Variants in RBFOX1 observed in about 807,000 individuals in gnomAD.
RBFOX1 encodes the protein RNA binding fox-1 homolog 1, also known as RNA binding protein fox-1 homolog 1.
RBFOX1 carries 8 observed loss-of-function variants against 57.7 expected under a neutral mutation model. The observed-to-expected ratio is 0.14, with a 90% CI of 0.08 to 0.25. The LOEUF (loss-of-function observed/expected upper bound fraction) is 0.25. Among genes scored for constraint, RBFOX1 ranks in the 10% least tolerant of loss-of-function variants. The pLI, the probability that RBFOX1 is intolerant of heterozygous loss-of-function variation, is 1.00. For synonymous variants in RBFOX1, 326 were observed against 222.4 expected, an observed-to-expected ratio of 1.47 and a Z score of -4.15; for missense variants, 611 against 548.5, an observed-to-expected ratio of 1.11 and a Z score of -1.14.
intron 12 of RBFOX1, among the ~76,000 whole-genome samples, chr16:7,662,826 C>CTT (rs1382221405): frequency 1.3e-5 from 2 of 152,244 alleles, no homozygotes; most frequent in Non-Finnish European, 2.9e-5. Context: ...GAGGTAGGCA[C>CTT]TTACCTATTT....
chr16:7,048,883 C>G (rs1598058710), intron 3 of RBFOX1, among the ~76,000 whole-genome samples: 1 of 152,110 alleles, frequency 6.6e-6, no homozygotes, highest in Non-Finnish European at 1.5e-5. Context: ...AATAAGCAAT[C>G]AATCTTGTTG....
intron 4 of RBFOX1, among the ~76,000 whole-genome samples, chr16:7,062,529 G>C (rs2054696343): frequency 2.0e-5 from 3 of 152,022 alleles, no homozygotes; most frequent in Non-Finnish European, 4.4e-5. Flanking sequence ...GCCTATGGTA[G>C]CTAGTACTTT....
At chr16:5,777,148 A>G (rs1054187840) in intron 3 of RBFOX1, among the ~76,000 whole-genome samples, 4 of 152,150 alleles carry the variant, frequency 2.6e-5, no homozygotes, top group Admixed American at 6.5e-5. Flanking sequence ...TGGAGGTCAC[A>G]AGTCCCAAAA....
chr16:7,145,994 C>T (rs1483963870), intron 4 of RBFOX1, among the ~76,000 whole-genome samples: 3 of 152,178 alleles, frequency 2.0e-5, no homozygotes. Context: ...CCATCTGTGT[C>T]CACAGTTTGA....
At chr16:7,322,861 C>G (rs1326728880) in intron 4 of RBFOX1, among the ~76,000 whole-genome samples, 1 of 152,132 alleles carries the variant, frequency 6.6e-6, no homozygotes, top group Non-Finnish European at 1.5e-5. Context: ...GTTTTCTCCT[C>G]CAGTGGTTAT....
At chr16:6,888,076 G>C (rs575754407) in intron 3 of RBFOX1, among the ~76,000 whole-genome samples, 2 of 152,084 alleles carry the variant, frequency 1.3e-5, no homozygotes, top group Non-Finnish European at 2.9e-5. Context: ...CAGGTAATTA[G>C]TGTAAAATTT....
At chr16:5,412,147 G>A (rs551698426) in intron 1 of RBFOX1, among the ~76,000 whole-genome samples, 6 of 151,766 alleles carry the variant, frequency 4.0e-5, no homozygotes, top group East Asian at 1.9e-4. Context: ...GAGGTCAAAC[G>A]CCCAGGTTCT....
At chr16:5,570,910 G>A (rs1330265072) in intron 2 of RBFOX1, among the ~76,000 whole-genome samples, 1 of 151,720 alleles carries the variant, frequency 6.6e-6, no homozygotes, top group Non-Finnish European at 1.5e-5. Flanking sequence ...AGAGAAATAA[G>A]ACAGTGAGTA....
At chr16:7,583,702 G>A (rs1052411727) in intron 6 of RBFOX1, among the ~76,000 whole-genome samples, 1 of 152,088 alleles carries the variant, frequency 6.6e-6, no homozygotes, top group Non-Finnish European at 1.5e-5. Context: ...TCTTGGCCAG[G>A]CATGATGGTG....
chr16:5,591,431 A>G (rs2047003132), intron 2 of RBFOX1, among the ~76,000 whole-genome samples: 1 of 152,002 alleles, frequency 6.6e-6, no homozygotes, highest in Non-Finnish European at 1.5e-5. Flanking sequence ...TTGTGTTTTT[A>G]GTAGAGATGG....
At chr16:6,679,634 C>T (rs572960156) in intron 3 of RBFOX1, among the ~76,000 whole-genome samples, 10 of 152,206 alleles carry the variant, frequency 6.6e-5, no homozygotes, top group African/African-American at 2.4e-4. Context: ...TTTTTTTGAG[C>T]ATCTCCTTTG....
At chr16:6,292,794 G>A (rs1022644939) in intron 1 of RBFOX1, among the ~76,000 whole-genome samples, 2 of 152,190 alleles carry the variant, frequency 1.3e-5, no homozygotes, top group East Asian at 3.8e-4. Flanking sequence ...AGAGTTGCCT[G>A]AAATAAATAG....
chr16:6,911,520 C>G (rs955300340), intron 3 of RBFOX1, among the ~76,000 whole-genome samples: 14 of 152,078 alleles, frequency 9.2e-5, no homozygotes, highest in African/African-American at 3.4e-4. Flanking sequence ...GTCTCCCTGT[C>G]CAAATTTCCC....
intron 4 of RBFOX1, among the ~76,000 whole-genome samples, chr16:7,309,246 T>A (rs2142457262): frequency 6.6e-6 from 1 of 152,360 alleles, no homozygotes; most frequent in South Asian, 2.1e-4. Context: ...TAGGCTGTTA[T>A]CAGCCAGGTA....
At chr16:7,216,058 G>A (rs2152816194) in intron 4 of RBFOX1, among the ~76,000 whole-genome samples, 1 of 152,152 alleles carries the variant, frequency 6.6e-6, no homozygotes, top group South Asian at 2.1e-4. Context: ...TACAGTATTT[G>A]TTCTTTTGTA....
intron 4 of RBFOX1, among the ~76,000 whole-genome samples, chr16:7,273,490 A>C (rs2095380250): frequency 6.6e-6 from 1 of 152,088 alleles, no homozygotes; most frequent in Non-Finnish European, 1.5e-5. Context: ...TTTGATGATG[A>C]CTTAAGTGGA....
intron 4 of RBFOX1, among the ~76,000 whole-genome samples, chr16:7,085,057 A>G (rs191011952): frequency 9.6e-4 from 146 of 152,228 alleles, no homozygotes; most frequent in Non-Finnish European, 1.8e-3. Context: ...TAAAGTAGGT[A>G]TTATATTGTA....
intron 3 of RBFOX1, among the ~76,000 whole-genome samples, chr16:5,625,695 C>G (rs2048330056): frequency 6.8e-6 from 1 of 147,254 alleles, no homozygotes; most frequent in East Asian, 2.0e-4. Context: ...GTAGCTGGGA[C>G]TACAGGTGCC....
At chr16:7,416,149 A>C (rs1367892868) in intron 4 of RBFOX1, among the ~76,000 whole-genome samples, 8 of 152,188 alleles carry the variant, frequency 5.3e-5, no homozygotes, top group African/African-American at 1.4e-4. Flanking sequence ...ATATTTGCCC[A>C]ATGATGAGCT....
Sources: allele counts gnomAD v4.1 joint callset (sites outside exome capture counted in the v4.1 genomes callset), GRCh38; gene constraint gnomAD v4.1.1; transcripts MANE v1.5; gene names NCBI Gene and HGNC (gene_info 2026-07-23, HGNC 2026-07-21).